Variants in HIPK2 observed in about 807,000 individuals in gnomAD.
HIPK2 encodes homeodomain-interacting protein kinase 2.
Under a neutral mutation model 113.7 loss-of-function variants are expected in HIPK2, and 27 were observed. The observed-to-expected ratio is 0.24, with a 90% confidence interval of 0.17 to 0.33. HIPK2 has a LOEUF of 0.33. HIPK2 is among the 10% of genes least tolerant of loss of function. The pLI, the probability that HIPK2 is intolerant of heterozygous loss-of-function variation, is 1.00. For missense variants in HIPK2, 1,257 were observed against 1,588.0 expected (o/e 0.79, Z 3.54); for synonymous variants, 631 against 642.2 (o/e 0.98, Z 0.26).
chr7:139,604,700 A>G (rs1799561303), intron 9 of HIPK2, among the ~76,000 whole-genome samples: 1 of 151,664 alleles, frequency 6.6e-6, no homozygotes, highest in African/African-American at 2.4e-5. Context: ...AAAAAAAAAA[A>G]AAAAAAAAAG....
intron 2 of HIPK2, among the ~76,000 whole-genome samples, chr7:139,694,969 C>T (rs1469026612): frequency 2.0e-5 from 3 of 152,186 alleles, no homozygotes; most frequent in African/African-American, 7.2e-5. Flanking sequence ...TGTTAAAACA[C>T]AGAAATCCAC....
intron 2 of HIPK2, among the ~76,000 whole-genome samples, chr7:139,662,947 G>A (rs564469925): frequency 4.6e-5 from 7 of 152,110 alleles, no homozygotes; most frequent in Non-Finnish European, 1.0e-4. Flanking sequence ...ATGTTGCCCT[G>A]CTGTTCAGAC....
intron 2 of HIPK2, among the ~76,000 whole-genome samples, chr7:139,684,256 CCTT>C (rs1299901214): frequency 1.3e-5 from 2 of 152,154 alleles, no homozygotes; most frequent in African/African-American, 4.8e-5. Flanking sequence ...CCATCTCTCT[CCTT>C]CTTCTCGGGC....
intron 2 of HIPK2, among the ~76,000 whole-genome samples, chr7:139,673,433 A>C (rs1165495573): frequency 6.6e-6 from 1 of 152,174 alleles, no homozygotes; most frequent in African/African-American, 2.4e-5. Context: ...GCCTCTGAGC[A>C]TACGGCCAAA....
intron 1 of HIPK2, among the ~76,000 whole-genome samples, chr7:139,729,822 G>A (rs554605097): frequency 6.6e-6 from 1 of 152,272 alleles, no homozygotes; most frequent in African/African-American, 2.4e-5. Flanking sequence ...AAATAAGGAC[G>A]GTTAAAGTTT....
In HIPK2 at chr7:139,617,988, G is replaced by C. The variant is rs543121640; in HGVS notation, c.1782+2413C>G. Among the ~76,000 whole-genome samples the C allele has an allele frequency of 2.0e-5, 3 of 152,326 alleles. No homozygotes were observed. The South Asian group carries it at 6.2e-4, about 32-fold the overall frequency. Reference sequence around the variant, plus strand: ...GAAAGGCATTTGGGGACCTCCATAAGACTTACTTAAGACTTACTTATGCTG... The same window carrying C: ...GAAAGGCATTTGGGGACCTCCATAACACTTACTTAAGACTTACTTATGCTG... On this transcript the variant is annotated intron_variant, in intron 7 of 14. Transcript: ENST00000406875.
chr7:139,618,018 G>A (rs1334137383), intron 7 of HIPK2, among the ~76,000 whole-genome samples: 1 of 152,254 alleles, frequency 6.6e-6, no homozygotes, highest in Non-Finnish European at 1.5e-5. Context: ...ATGCTGCTGT[G>A]TATGTATATT....
In HIPK2 at chr7:139,716,972, T is replaced by C. The variant is rs1795265495; in HGVS notation, c.63A>G (p.Gln21=). 4 of 1,613,674 alleles carry C rather than the reference T, an allele frequency of 2.5e-6. No individual in the cohort carries two copies. The Admixed American group carries it at 5.0e-5, about 20-fold the overall frequency. The change falls in exon 2 of 15, where the codon CAA becomes CAG. Residue 21 remains glutamine (Q), a synonymous_variant. Transcript: ENST00000406875. This position sits in a 1 kb window ranked among gnomAD's most constrained non-coding sequence, Gnocchi z 9.3. ...TCTTCACACTACAGAAGGCACTTGA[T>C]TGAAGGGTGTGAGGGGAGAAAACTT... is the stretch of plus-strand genomic sequence containing the variant. The part of the protein sequence containing the change: ...HVQVFSPHTL[Q]SSAFCSVKKL...
At chr7:139,679,209 G>A (rs770751239) in intron 2 of HIPK2, among the ~76,000 whole-genome samples, 28 of 152,106 alleles carry the variant, frequency 1.8e-4, no homozygotes, top group Non-Finnish European at 2.8e-4. Flanking sequence ...TTGAATAGGC[G>A]TGGTGAGAGA....
At chr7:139,582,885 C>T (rs1364390715) in intron 13 of HIPK2, among the ~76,000 whole-genome samples, 1 of 152,234 alleles carries the variant, frequency 6.6e-6, no homozygotes, top group East Asian at 1.9e-4. Flanking sequence ...AGTGGCAGCC[C>T]CTGAATGGGG....
At chr7:139,579,592 TG>T (rs1483394044) in intron 13 of HIPK2, among the ~76,000 whole-genome samples, 2 of 151,806 alleles carry the variant, frequency 1.3e-5, no homozygotes, top group Non-Finnish European at 2.9e-5. Flanking sequence ...TAATTGTTGA[TG>T]AAGAGAGAAA....
intron 13 of HIPK2, among the ~76,000 whole-genome samples, chr7:139,580,466 G>A (rs1437513758): frequency 6.6e-6 from 1 of 152,214 alleles, no homozygotes; most frequent in Non-Finnish European, 1.5e-5. Flanking sequence ...TGTGGCGATG[G>A]ACAAAGCGAC....
At chr7:139,669,714 C>T (rs9768893) in intron 2 of HIPK2, among the ~76,000 whole-genome samples, 47,932 of 151,564 alleles carry the variant, frequency 0.32, 9,091 homozygotes, top group African/African-American at 0.53. Context: ...ATGTCAGATA[C>T]TTCACACACA....
intron 1 of HIPK2, among the ~76,000 whole-genome samples, chr7:139,726,862 A>G (rs1314738434): frequency 6.6e-6 from 1 of 152,244 alleles, no homozygotes; most frequent in African/African-American, 2.4e-5. Context: ...CAAATGGGAA[A>G]AAGATCTAAA....
At chr7:139,632,385 A>G (rs909423427) in intron 2 of HIPK2, among the ~76,000 whole-genome samples, 5 of 152,274 alleles carry the variant, frequency 3.3e-5, no homozygotes, top group Non-Finnish European at 7.3e-5. Flanking sequence ...ATTAAGTCCA[A>G]TATCTGTTTA....
At chr7:139,750,862 G>A (rs926314674) in intron 1 of HIPK2, among the ~76,000 whole-genome samples, 5 of 152,150 alleles carry the variant, frequency 3.3e-5, no homozygotes, top group Admixed American at 3.3e-4. Flanking sequence ...TTGAGGACCT[G>A]GTGCACCTTC....
chr7:139,747,729 CT>C (rs1796212694), intron 1 of HIPK2, among the ~76,000 whole-genome samples: 1 of 152,280 alleles, frequency 6.6e-6, no homozygotes. Context: ...GTGGCCTCCA[CT>C]GGATATCCAG....
chr7:139,611,418 A>G (rs1204773951), intron 9 of HIPK2, among the ~76,000 whole-genome samples: 1 of 152,254 alleles, frequency 6.6e-6, no homozygotes, highest in East Asian at 1.9e-4. Context: ...ATATATTAAT[A>G]TAACTTGTCC....
intron 1 of HIPK2, among the ~76,000 whole-genome samples, chr7:139,735,864 T>G (rs1392357509): frequency 6.6e-6 from 1 of 152,178 alleles, no homozygotes; most frequent in Non-Finnish European, 1.5e-5. Flanking sequence ...GGACCTGGGA[T>G]AGTGTGCAGA....
Sources: allele counts gnomAD v4.1 joint callset (sites outside exome capture counted in the v4.1 genomes callset), GRCh38; gene constraint gnomAD v4.1.1; non-coding constraint Gnocchi (gnomAD v3.1); transcripts MANE v1.5; gene names NCBI Gene and HGNC (gene_info 2026-07-23, HGNC 2026-07-21).